PDE1C: variants seen among roughly 807,000 people sequenced by gnomAD.
PDE1C encodes phosphodiesterase 1C, also known as dual specificity calcium/calmodulin-dependent 3',5'-cyclic nucleotide phosphodiesterase 1C.
In PDE1C, 62 loss-of-function variants were observed where a neutral mutation model predicts 93.1. The observed-to-expected ratio is 0.67, with a 90% confidence interval of 0.54 to 0.82. The LOEUF (loss-of-function observed/expected upper bound fraction) is 0.82. Ranked by LOEUF, PDE1C falls within the 40% of genes least tolerant of loss-of-function variation. The pLI is 0.00. For synonymous variants in PDE1C, 325 were observed against 310.1 expected, an observed-to-expected ratio of 1.05 and a Z score of -0.50; for missense variants, 742 against 884.6, an observed-to-expected ratio of 0.84 and a Z score of 2.04.
chr7:32,263,242 C>T (rs1810340118), intron 1 of PDE1C, among the ~76,000 whole-genome samples: 1 of 152,144 alleles, frequency 6.6e-6, no homozygotes, highest in South Asian at 2.1e-4. Flanking sequence ...ATGGTACAAA[C>T]GATATCCATA....
rs118138030 is a variant in PDE1C, at chr7:32,333,719, G to A, written c.310+94103C>T. ...ACTACCTACATCGTGGGACTAGAGT[G>A]AGAATTAAACAAAACAGCTTACAGC... On this transcript the variant is annotated intron_variant, in intron 1 of 1. Transcript: ENST00000672256. Among the ~76,000 whole-genome samples, 78 of 152,298 alleles carry A rather than the reference G, an allele frequency of 5.1e-4. 1 individual carries two copies. The East Asian group carries it at 0.012, about 23-fold the overall frequency.
chr7:32,325,216 C>CT (rs1281086088), intron 1 of PDE1C, among the ~76,000 whole-genome samples: 2 of 152,248 alleles, frequency 1.3e-5, no homozygotes, highest in East Asian at 3.8e-4. Flanking sequence ...CAGCTGCAGC[C>CT]TGCGTCACCC....
chr7:31,817,106 T>C (rs1028185747), intron 14 of PDE1C, among the ~76,000 whole-genome samples: 1 of 152,166 alleles, frequency 6.6e-6, no homozygotes, highest in Non-Finnish European at 1.5e-5. Flanking sequence ...ATGACTAAGA[T>C]ACTTGCAGTT....
rs140101637 is a variant in PDE1C, at chr7:31,898,020, TTGTGTGTGTGTGTGTG to T, written c.129-17176_129-17161del. ...TAAGTAACAGAAGGGTTTGGTTTCT[TTGTGTGTGTGTGTGTG>T]TGTGTGTGTGTGTGTGTGTGTGTGT... On this transcript the variant is annotated intron_variant, in intron 2 of 17. Transcript: ENST00000396191. 5.4e-3 allele frequency among the ~76,000 whole-genome samples: 787 copies of T among 145,916 alleles called. 5 individuals carry two copies. Among genetic ancestry groups the T allele is most frequent in the African/African-American group, 0.015 (567 of 38,994 alleles).
chr7:31,661,627 C>T, the PDE1C span, among the ~76,000 whole-genome samples: 2 of 152,068 alleles, frequency 1.3e-5, no homozygotes, highest in Non-Finnish European at 2.9e-5. Context: ...GTAGGAGAAT[C>T]GCTTGAACCC....
chr7:31,618,237 C>G, the PDE1C span, among the ~76,000 whole-genome samples: 1 of 152,222 alleles, frequency 6.6e-6, no homozygotes, highest in Non-Finnish European at 1.5e-5. Context: ...CCAGCCACCA[C>G]CCAATTTCTG....
chr7:31,653,771 A>G, the PDE1C span: 1 of 152,234 alleles, frequency 6.6e-6, no homozygotes, highest in African/African-American at 2.4e-5. Flanking sequence ...ATGTACGTAC[A>G]TTTATTATTA....
chr7:32,407,199 C>G (rs867373786), intron 1 of PDE1C, among the ~76,000 whole-genome samples: 9 of 152,048 alleles, frequency 5.9e-5, no homozygotes, highest in African/African-American at 2.2e-4. Context: ...CACTTGAACC[C>G]GGGAAGCAGA....
intron 15 of PDE1C, 85 bp downstream of exon 15, chr7:31,815,839 C>T (rs1162637958): frequency 9.9e-7 from 1 of 1,005,464 alleles, no homozygotes; most frequent in Non-Finnish European, 1.6e-6. Flanking sequence ...TGAGCTGACC[C>T]CATCAGTAGG....
chr7:32,023,470 C>T (rs1788970412), intron 2 of PDE1C, among the ~76,000 whole-genome samples: 1 of 152,042 alleles, frequency 6.6e-6, no homozygotes, highest in Admixed American at 6.6e-5. Context: ...AACACAGGAA[C>T]TTGTACACAA....
intron 1 of PDE1C, among the ~76,000 whole-genome samples, chr7:32,359,950 G>A (rs933811451): frequency 6.6e-6 from 1 of 152,074 alleles, no homozygotes; most frequent in African/African-American, 2.4e-5. Context: ...TTCCTCCATT[G>A]ACTCCTCCTA....
chr7:31,900,951 T>C (rs576814074), intron 2 of PDE1C, among the ~76,000 whole-genome samples: 64 of 151,948 alleles, frequency 4.2e-4, no homozygotes, highest in African/African-American at 1.3e-3. Flanking sequence ...AAAAATTTGA[T>C]GCAGTTCAAT....
chr7:32,075,254 T>C (rs1796284792), upstream of PDE1C, among the ~76,000 whole-genome samples: 1 of 152,248 alleles, frequency 6.6e-6, no homozygotes, highest in East Asian at 1.9e-4. Flanking sequence ...CTACTTGCTT[T>C]GACCTCCATG....
intron 1 of PDE1C, among the ~76,000 whole-genome samples, chr7:32,249,689 C>A (rs990679786): frequency 1.3e-5 from 2 of 152,048 alleles, no homozygotes; most frequent in African/African-American, 4.8e-5. Context: ...ATGCTATCTC[C>A]CATATCCACT....
At position 31,968,406 on chromosome 7, in the gene PDE1C, T is replaced by A. The variant is rs941908806; in HGVS notation, c.128+83148A>T. On this transcript the variant is annotated intron_variant, in intron 2 of 17. Transcript: ENST00000396191. The stretch of plus-strand genomic sequence containing the variant: ...ACCTAGGAATCCAACTTACAAGGGA[T>A]GTGAAGGACCTCTTCAAGGAGAACT... Among the ~76,000 whole-genome samples the A allele has an allele frequency of 2.0e-5, 3 of 151,988 alleles. No homozygotes were observed. The East Asian group carries it at 5.8e-4, about 29-fold the overall frequency.
At chr7:32,105,673 G>C (rs1014411798) in intron 3 of PDE1C, among the ~76,000 whole-genome samples, 2 of 151,058 alleles carry the variant, frequency 1.3e-5, no homozygotes, top group Non-Finnish European at 2.9e-5. Context: ...AAGCAGCTGG[G>C]ACTACAGGGA....
chr7:31,692,529 C>G, the PDE1C span: 1 of 1,587,196 alleles, frequency 6.3e-7, no homozygotes, highest in African/African-American at 1.3e-5. Flanking sequence ...CTTAGGTAAA[C>G]AAATGATCGA....
intron 13 of PDE1C, among the ~76,000 whole-genome samples, chr7:31,824,357 T>C (rs1458166785): frequency 6.6e-6 from 1 of 152,134 alleles, no homozygotes; most frequent in Non-Finnish European, 1.5e-5. Flanking sequence ...AGTGAGACAA[T>C]TGGCCTGCGA....
chr7:31,792,145 A>G (rs1343677567), intron 16 of PDE1C, among the ~76,000 whole-genome samples: 2 of 152,116 alleles, frequency 1.3e-5, no homozygotes, highest in African/African-American at 4.8e-5. Context: ...CTTCCCAAAC[A>G]CATGCCCTCT....
Sources: gnomAD v4.1 joint callset for allele counts (sites outside exome capture counted in the v4.1 genomes callset) on GRCh38, gnomAD v4.1.1 for gene constraint, MANE v1.5 for transcripts, NCBI Gene and HGNC (gene_info 2026-07-23, HGNC 2026-07-21) for gene names.